TEK: variants seen among roughly 807,000 people sequenced by gnomAD.
TEK encodes angiopoietin-1 receptor.
TEK carries 43 observed loss-of-function variants against 131.8 expected under a neutral mutation model. The observed-to-expected ratio is 0.33, with a 90% CI of 0.26 to 0.42. The LOEUF (loss-of-function observed/expected upper bound fraction) is 0.42, where lower values mean the gene tolerates loss of function less well. TEK is among the 10% of genes least tolerant of loss of function. TEK has a pLI of 1.00. For synonymous variants in TEK, 580 were observed against 491.6 expected (o/e 1.18, Z -2.38); for missense variants, 1,162 against 1,384.4 (o/e 0.84, Z 2.55).
chr9:27,221,779 T>C (rs1056141555), intron 21 of TEK, among the ~76,000 whole-genome samples: 2 of 152,204 alleles, frequency 1.3e-5, no homozygotes, highest in Non-Finnish European at 2.9e-5. Context: ...TCCACGAAGA[T>C]GGAGAGAAAC....
At chr9:27,117,606 T>A (rs1304868729) in intron 1 of TEK, among the ~76,000 whole-genome samples, 1 of 152,200 alleles carries the variant, frequency 6.6e-6, no homozygotes, top group Non-Finnish European at 1.5e-5. Flanking sequence ...CTGACACTTT[T>A]CAACACATCT....
intron 1 of TEK, among the ~76,000 whole-genome samples, chr9:27,138,929 G>C (rs1445132252): frequency 2.0e-5 from 3 of 152,070 alleles, no homozygotes; most frequent in Non-Finnish European, 4.4e-5. Context: ...AGGATTCTTA[G>C]ATGGGCACGG....
intron 1 of TEK, among the ~76,000 whole-genome samples, chr9:27,149,886 G>A (rs534520095): frequency 2.0e-5 from 3 of 152,128 alleles, no homozygotes; most frequent in Non-Finnish European, 2.9e-5. Flanking sequence ...CCCATACCGG[G>A]TATCCTGGTG....
chr9:27,121,668 G>A (rs963553697), intron 1 of TEK, among the ~76,000 whole-genome samples: 2 of 151,686 alleles, frequency 1.3e-5, no homozygotes, highest in Non-Finnish European at 1.5e-5. Context: ...ATTAGTCCTC[G>A]TTAATATGAG....
intron 21 of TEK, among the ~76,000 whole-genome samples, chr9:27,222,700 C>T (rs1269063402): frequency 1.3e-5 from 2 of 152,140 alleles, no homozygotes; most frequent in African/African-American, 2.4e-5. Flanking sequence ...CTTACAAGAG[C>T]TCCTGAAGGA....
At chr9:27,147,013 G>C (rs1053615276) in intron 1 of TEK, among the ~76,000 whole-genome samples, 1 of 152,178 alleles carries the variant, frequency 6.6e-6, no homozygotes, top group Non-Finnish European at 1.5e-5. Flanking sequence ...ACAGGCGTGA[G>C]ACACTGCGCC....
intron 15 of TEK, among the ~76,000 whole-genome samples, chr9:27,208,517 C>G (rs1021832308): frequency 2.6e-5 from 4 of 152,176 alleles, no homozygotes; most frequent in Non-Finnish European, 2.9e-5. Context: ...AACTCAGTTT[C>G]CTGATTCCCA....
chr9:27,210,569 C>A, intron 16 of TEK: 1 of 159,852 alleles, frequency 6.3e-6, no homozygotes, highest in East Asian at 1.7e-4. Flanking sequence ...TTAAGGGATC[C>A]AGGCACTTTG....
chr9:27,197,032 A>G (rs1215345567), intron 11 of TEK, among the ~76,000 whole-genome samples: 1 of 118,080 alleles, frequency 8.5e-6, no homozygotes, highest in Non-Finnish European at 1.7e-5. Flanking sequence ...CAATTGAACA[A>G]TGAGAACATA....
intron 11 of TEK, among the ~76,000 whole-genome samples, chr9:27,196,434 G>A (rs3780314): frequency 0.28 from 42,578 of 151,980 alleles, 6,159 homozygotes; most frequent in Admixed American, 0.35. Flanking sequence ...TAGCTTATGA[G>A]GTGGTATCTT....
At chr9:27,128,795 T>C (rs953679017) in intron 1 of TEK, among the ~76,000 whole-genome samples, 3 of 152,182 alleles carry the variant, frequency 2.0e-5, no homozygotes, top group Non-Finnish European at 2.9e-5. Context: ...TATTGGTGTA[T>C]AGGAATGCTT....
chr9:27,149,285 A>T (rs777419576), intron 1 of TEK, among the ~76,000 whole-genome samples: 1 of 152,046 alleles, frequency 6.6e-6, no homozygotes, highest in Non-Finnish European at 1.5e-5. Context: ...CATAGGTTCA[A>T]ATTGTATCTT....
At chr9:27,122,691 A>G (rs1821836497) in intron 1 of TEK, among the ~76,000 whole-genome samples, 1 of 152,092 alleles carries the variant, frequency 6.6e-6, no homozygotes, top group Admixed American at 6.6e-5. Flanking sequence ...TAATACGGGT[A>G]GAGAAAGAGG....
chr9:27,191,695 T>C (rs915355086), intron 10 of TEK, among the ~76,000 whole-genome samples: 2 of 152,172 alleles, frequency 1.3e-5, no homozygotes, highest in African/African-American at 4.8e-5. Context: ...CACATACTAT[T>C]GTAGATTCTA....
intron 5 of TEK, among the ~76,000 whole-genome samples, 158 bp from the exon 6 acceptor site, chr9:27,173,064 G>A (rs3824410): frequency 6.6e-6 from 1 of 151,972 alleles, no homozygotes; most frequent in African/African-American, 2.4e-5. Context: ...TTCATTATCA[G>A]TAAAATGGGC....
chr9:27,190,830 G>A, intron 10 of TEK, 140 bp downstream of exon 10: 2 of 1,280,332 alleles, frequency 1.6e-6, no homozygotes, highest in Non-Finnish European at 2.2e-6. Flanking sequence ...CTGTTTCAGA[G>A]TATTCAAGAG....
At chr9:27,223,812 A>C (rs537016456) in intron 21 of TEK, among the ~76,000 whole-genome samples, 74 of 152,368 alleles carry the variant, frequency 4.9e-4, no homozygotes, top group African/African-American at 1.8e-3. Context: ...CCCTTCAAAA[A>C]AAATCAGTGA....
intron 16 of TEK, among the ~76,000 whole-genome samples, chr9:27,211,165 G>A (rs28645491): frequency 5.7e-5 from 2 of 34,946 alleles, no homozygotes; most frequent in Admixed American, 3.5e-4. Flanking sequence ...ATGAATATAT[G>A]TATGTGTATA....
intron 1 of TEK, among the ~76,000 whole-genome samples, chr9:27,143,198 G>A (rs1822792570): frequency 6.6e-6 from 1 of 152,202 alleles, no homozygotes; most frequent in South Asian, 2.1e-4. Context: ...CCAGGGGAGG[G>A]AGCGGTGATT....
Sources: gnomAD v4.1 joint callset for allele counts (sites outside exome capture counted in the v4.1 genomes callset) on GRCh38, gnomAD v4.1.1 for gene constraint, MANE v1.5 for transcripts, NCBI Gene and HGNC (gene_info 2026-07-23, HGNC 2026-07-21) for gene names.